Variants in PNLDC1 observed in about 807,000 individuals in gnomAD.
PNLDC1 encodes the protein PARN like ribonuclease domain containing exonuclease 1.
In PNLDC1, 70 loss-of-function variants were observed where a neutral mutation model predicts 82.0. The ratio of observed to expected loss-of-function variants is 0.85; its 90% CI spans 0.70 to 1.04. PNLDC1 has a LOEUF of 1.04. PNLDC1 is among the 50% of genes least tolerant of loss of function. The pLI is 0.00. For synonymous variants in PNLDC1, 280 were observed against 249.3 expected (o/e 1.12, Z -1.16); for missense variants, 631 against 661.1 (o/e 0.95, Z 0.50).
chr6:159,801,011 G>A (rs1781230974), intron 2 of PNLDC1, 102 bp from the exon 3 acceptor site: 1 of 1,488,030 alleles, frequency 6.7e-7, no homozygotes, highest in African/African-American at 1.4e-5. Context: ...TTGTAACAAG[G>A]AAAAAATCCT....
At chr6:159,818,789 T>A in intron 16 of PNLDC1, 135 bp downstream of exon 16, 1 of 1,204,636 alleles carries the variant, frequency 8.3e-7, no homozygotes, top group Non-Finnish European at 1.2e-6. Flanking sequence ...TTCTTTCCTC[T>A]CATGTTTCTC....
upstream of PNLDC1, chr6:159,800,211 T>G: frequency 8.2e-7 from 1 of 1,225,894 alleles, no homozygotes; most frequent in Admixed American, 2.3e-5. Flanking sequence ...GGTTTCCATG[T>G]GTGCGCCCTT....
intron 12 of PNLDC1, 76 bp downstream of exon 12, chr6:159,813,732 CT>C: frequency 7.5e-7 from 1 of 1,332,340 alleles, no homozygotes; most frequent in Non-Finnish European, 1.1e-6. Context: ...CCTTTGGGCT[CT>C]CTAGGCGTGC....
intron 7 of PNLDC1, among the ~76,000 whole-genome samples, chr6:159,806,982 T>G (rs879694317): frequency 6.8e-6 from 1 of 147,582 alleles, no homozygotes; most frequent in Non-Finnish European, 1.5e-5. Flanking sequence ...AATCTCCGCC[T>G]CCCGGGTTCA....
At chr6:159,801,085 G>T in intron 2 of PNLDC1, 28 bp from the exon 3 acceptor site, 2 of 1,612,482 alleles carry the variant, frequency 1.2e-6, no homozygotes, top group Non-Finnish European at 1.7e-6. Context: ...GTCATTGCTC[G>T]TGGAATGAGA....
chr6:159,818,391 C>G (rs1187710330), intron 15 of PNLDC1, among the ~76,000 whole-genome samples, 164 bp from the exon 16 acceptor site: 3 of 152,186 alleles, frequency 2.0e-5, no homozygotes, highest in Non-Finnish European at 4.4e-5. Flanking sequence ...GACTTGCCAG[C>G]TGGGGAAGCA....
intron 12 of PNLDC1, 112 bp downstream of exon 12, chr6:159,813,768 T>A: frequency 1.1e-6 from 1 of 916,834 alleles, no homozygotes; most frequent in Non-Finnish European, 1.8e-6. Context: ...GATGCCTGCT[T>A]GGGACTTGGT....
At chr6:159,813,716 C>T (rs962447433) in intron 12 of PNLDC1, 60 bp downstream of exon 12, 32 of 1,501,340 alleles carry the variant, frequency 2.1e-5, no homozygotes, top group Admixed American at 5.0e-5. Flanking sequence ...CCCTGTGCTC[C>T]GCAGGCCTTT....
At chr6:159,816,678 C>A in intron 14 of PNLDC1, 82 bp downstream of exon 14, 2 of 1,266,470 alleles carry the variant, frequency 1.6e-6, no homozygotes, top group Non-Finnish European at 2.3e-6. Context: ...GTTGCCCAGG[C>A]TAGAGTACAG....
intron 3 of PNLDC1, among the ~76,000 whole-genome samples, chr6:159,801,506 G>A (rs577318319): frequency 6.6e-6 from 1 of 152,312 alleles, no homozygotes; most frequent in African/African-American, 2.4e-5. Flanking sequence ...GAGTGCAGTA[G>A]CATAGTCTTA....
At position 159,805,675 on chromosome 6, in the gene PNLDC1, A is replaced by G. The variant is rs554943623; in HGVS notation, c.462-308A>G. On this transcript the variant is annotated intron_variant, in intron 6 of 18. Coordinates refer to ENST00000392167, the MANE Select transcript of PNLDC1 (RefSeq NM_001271862.2). ...ATCACCCCTGAAAGCTGAATAAAGA[A>G]GACGGTCCTGATAGCAATGCTTGGT... 2.5e-5 allele frequency: 7 copies of G among 281,838 alleles called. No individual in the cohort carries two copies. In the South Asian group the frequency reaches 2.9e-4, roughly 12 times the overall value. The allele number at this position is 281,838 out of a possible 1,614,324, so 17.5% of individuals were successfully genotyped here.
In PNLDC1 at chr6:159,816,017, C is replaced by T. The variant is rs1440050148; in HGVS notation, c.1044C>T (p.Ser348=). Residue 348 remains serine (S), a synonymous_variant, in exon 13 of 19, where the codon AGC becomes AGT. Transcript: ENST00000392167. The part of the protein sequence containing the change: ...KNSGPEIVHA[S]RCEKYVETKC... The stretch of plus-strand genomic sequence containing the variant: ...CTGGACCAGAGATTGTTCACGCGAG[C>T]AGGTGTGAGAAATATGGTACGTTCC... The T allele has an allele frequency of 4.3e-6, 7 of 1,613,078 alleles. No individual in the cohort carries two copies. The highest frequency in any genetic ancestry group is 5.9e-6 in the Non-Finnish European group (7 of 1,179,662).
At chr6:159,801,425 C>T (rs747113247) in intron 3 of PNLDC1, among the ~76,000 whole-genome samples, 8 of 152,172 alleles carry the variant, frequency 5.3e-5, no homozygotes, top group East Asian at 1.9e-4. Context: ...GTTACTCTTT[C>T]AAGTAAAACT....
rs151019620 is a variant in PNLDC1, at chr6:159,819,081, A to G, written c.1393A>G (p.Thr465Ala). The change falls in exon 17 of 19, where the codon ACA becomes GCA. Residue 465 changes from threonine (T) to alanine (A), a missense_variant. Thr to Ala is a moderately conservative substitution (Grantham distance 58, BLOSUM62 0). Transcript: ENST00000392167. This position sits in a 1 kb window ranked among gnomAD's most constrained non-coding sequence, Gnocchi z 4.6. ...NLCKFDVRRL[T>A]RSQFLLLTNK... Reference sequence around the variant, plus strand: ...CTGCAAGTTTGATGTCAGGCGACTCACAAGAAGCCAGTTCTTACTCCTGAC... The same window carrying G: ...CTGCAAGTTTGATGTCAGGCGACTCGCAAGAAGCCAGTTCTTACTCCTGAC... The G allele has an allele frequency of 1.2e-6, 2 of 1,614,016 alleles. No homozygotes were observed. The highest frequency in any genetic ancestry group is 1.7e-6 in the Non-Finnish European group (2 of 1,180,016).
At chr6:159,809,893 G>A (rs1781587944) in intron 9 of PNLDC1, 133 bp from the exon 10 acceptor site, 2 of 719,314 alleles carry the variant, frequency 2.8e-6, no homozygotes, top group South Asian at 3.6e-5. Flanking sequence ...GCAAAGGAAG[G>A]TTAGGATGGA....
chr6:159,815,776 C>T (rs2115055323), intron 12 of PNLDC1, among the ~76,000 whole-genome samples, 193 bp from the exon 13 acceptor site: 1 of 152,254 alleles, frequency 6.6e-6, no homozygotes, highest in South Asian at 2.1e-4. Context: ...CTGGGGCCTC[C>T]TGCACCATTG....
rs539290103 is a variant in PNLDC1 at position 159,815,693 on chromosome 6, C to T, written c.996-276C>T. Among the ~76,000 whole-genome samples the T allele has an allele frequency of 5.3e-5, 8 of 152,258 alleles. No individual in the cohort carries two copies. The South Asian group carries it at 1.7e-3, about 32-fold the overall frequency. ...CAGGCCACTAGACAGCTCCGGAGGA[C>T]AGAGACAGTATCTTGTCTATCTTGG... On this transcript the variant is annotated intron_variant, in intron 12 of 18. Coordinates refer to ENST00000392167, the MANE Select transcript of PNLDC1 (RefSeq NM_001271862.2).
rs1352242748 is a variant in PNLDC1, at chr6:159,808,528, A to AT, written c.563-211dup. On this transcript the variant is annotated intron_variant, in intron 7 of 18. Coordinates refer to ENST00000392167, the MANE Select transcript of PNLDC1 (RefSeq NM_001271862.2). ...TCCCCAACTTAAGAGTGGCCCTGAG[A>AT]TAAAAAAAAAAAAAAAAAACTCTTA... is the stretch of plus-strand genomic sequence containing the variant. Among the ~76,000 whole-genome samples, 29 of 123,410 alleles carry AT rather than the reference A, an allele frequency of 2.3e-4. 1 individual carries two copies. The highest frequency in any genetic ancestry group is 6.6e-4 in the African/African-American group (23 of 34,610). 81.0% of individuals were successfully genotyped at this position (123,410 alleles called of 152,430 possible).
At chr6:159,812,216 T>C (rs1481768764) in intron 11 of PNLDC1, among the ~76,000 whole-genome samples, 1 of 152,190 alleles carries the variant, frequency 6.6e-6, no homozygotes, top group Non-Finnish European at 1.5e-5. Flanking sequence ...TTGTGTTTTT[T>C]AAAGTTGTTC....
Sources: gnomAD v4.1 joint callset for allele counts (sites outside exome capture counted in the v4.1 genomes callset) on GRCh38, gnomAD v4.1.1 for gene constraint, Gnocchi (gnomAD v3.1) non-coding constraint, MANE v1.5 for transcripts, NCBI Gene and HGNC (gene_info 2026-07-23, HGNC 2026-07-21) for gene names.